The following DOCK4 variants were observed in gnomAD, a reference collection of about 807,000 sequenced individuals.
DOCK4 encodes the protein dedicator of cytokinesis 4.
DOCK4 carries 97 observed loss-of-function variants against 268.1 expected under a neutral mutation model. That is an observed-to-expected ratio of 0.36 (90% CI 0.31 to 0.43). DOCK4 has a LOEUF of 0.43. DOCK4 is among the 20% of genes least tolerant of loss of function. The pLI is 1.00. For synonymous variants in DOCK4, 954 were observed against 887.2 expected, an observed-to-expected ratio of 1.08 and a Z score of -1.34; for missense variants, 2,145 against 2,455.7, an observed-to-expected ratio of 0.87 and a Z score of 2.67.
chr7:112,044,559 C>G (rs1257938991), intron 1 of DOCK4, among the ~76,000 whole-genome samples: 2 of 152,110 alleles, frequency 1.3e-5, no homozygotes, highest in Non-Finnish European at 2.9e-5. Context: ...CAAGTGTCTA[C>G]TTGACATCTC....
intron 12 of DOCK4, among the ~76,000 whole-genome samples, chr7:111,921,707 T>A (rs978525527): frequency 2.6e-4 from 40 of 152,158 alleles, no homozygotes; most frequent in Non-Finnish European, 1.2e-4. Flanking sequence ...ACCAATTCCA[T>A]AAAATACTTT....
At chr7:111,822,483 T>A (rs1186569759) in intron 26 of DOCK4, 27 bp from the exon 27 acceptor site, 3 of 1,559,408 alleles carry the variant, frequency 1.9e-6, no homozygotes, top group Non-Finnish European at 2.6e-6. Flanking sequence ...ATAGATCATT[T>A]TATTGGTTTA....
intron 8 of DOCK4, among the ~76,000 whole-genome samples, chr7:111,974,832 C>T (rs1798045577): frequency 6.6e-6 from 1 of 152,016 alleles, no homozygotes; most frequent in South Asian, 2.1e-4. Context: ...AAGATCAATA[C>T]CTATTTAGAA....
At chr7:111,982,877 A>G (rs988796652) in intron 7 of DOCK4, among the ~76,000 whole-genome samples, 3 of 152,232 alleles carry the variant, frequency 2.0e-5, no homozygotes, top group Non-Finnish European at 4.4e-5. Flanking sequence ...AATGAACAAA[A>G]GTAAAGATGC....
chr7:111,912,596 G>T (rs551845837), intron 13 of DOCK4, among the ~76,000 whole-genome samples: 1 of 152,150 alleles, frequency 6.6e-6, no homozygotes, highest in African/African-American at 2.4e-5. Flanking sequence ...AAGCAGAAGA[G>T]GGGGAGGAAG....
At chr7:111,992,573 TTA>T (rs1371544340) in intron 5 of DOCK4, among the ~76,000 whole-genome samples, 2 of 152,224 alleles carry the variant, frequency 1.3e-5, no homozygotes, top group African/African-American at 2.4e-5. Flanking sequence ...AGGAGTTTAC[TTA>T]TAGAGTTTAC....
intron 1 of DOCK4, among the ~76,000 whole-genome samples, chr7:112,192,088 G>T (rs948304373): frequency 2.7e-5 from 4 of 149,748 alleles, no homozygotes; most frequent in African/African-American, 9.8e-5. Context: ...TATATAGTGT[G>T]CATTTATATA....
In DOCK4 at chr7:111,746,358, T is replaced by C. The variant is rs773963618; in HGVS notation, c.4653A>G (p.Arg1551=). 1 of 1,613,074 alleles carries C rather than the reference T, an allele frequency of 6.2e-7. No individual in the cohort carries two copies. Among genetic ancestry groups the C allele is most frequent in the South Asian group, 1.1e-5 (1 of 90,716 alleles). Residue 1551 remains arginine (R), a synonymous_variant, in exon 44 of 53, where the codon CGA becomes CGG. Transcript: ENST00000428084. ...CCTGCTCAAGCATCAGCTCTCTTAATCGTGCAATTTTCTCCCCATCTTCAG... is the reference window on the plus strand; with the variant it reads ...CCTGCTCAAGCATCAGCTCTCTTAACCGTGCAATTTTCTCCCCATCTTCAG... ...SHPEDGEKIA[R]LRELMLEQAQ... is the part of the protein sequence containing the mutation.
Position 112,004,145 on chromosome 7 carries a change from TAAAG to T in DOCK4, c.38-18_38-15del. On this transcript the variant is annotated splice_polypyrimidine_tract_variant and intron_variant, in intron 1 of 52. Transcript: ENST00000428084. ...AACTGGCAATAACTGTAAAAAATGATAAAGAATATATGAAGACAATCATGTCCAT... is the reference window on the plus strand; with the variant it reads ...AACTGGCAATAACTGTAAAAAATGATAATATATGAAGACAATCATGTCCAT... The T allele has an allele frequency of 6.4e-7, 1 of 1,556,256 alleles. No homozygotes were observed. Among genetic ancestry groups the T allele is most frequent in the Non-Finnish European group, 8.7e-7 (1 of 1,145,580 alleles).
chr7:112,147,510 T>C (rs1208739182), intron 1 of DOCK4, among the ~76,000 whole-genome samples: 1 of 152,180 alleles, frequency 6.6e-6, no homozygotes, highest in Non-Finnish European at 1.5e-5. Context: ...ATATTTTGCC[T>C]AAAAATATTT....
intron 36 of DOCK4, among the ~76,000 whole-genome samples, chr7:111,770,877 T>C (rs940183042): frequency 5.9e-5 from 9 of 152,230 alleles, no homozygotes; most frequent in African/African-American, 9.6e-5. Context: ...TGCTATGATG[T>C]GGCCATCTCC....
chr7:111,913,630 C>T lies in DOCK4; in HGVS notation c.1192+2149G>A, dbSNP rs537495086. On this transcript the variant is annotated intron_variant, in intron 13 of 52. Transcript: ENST00000428084. ...TTCACCATGTTAGCCAGGATGGTCT[C>T]GATCTTCTGACCTCGTGATCCGCCC... 6.2e-4 allele frequency among the ~76,000 whole-genome samples: 94 copies of T among 151,520 alleles called. 1 individual carries two copies. Among genetic ancestry groups the T allele is most frequent in the African/African-American group, 2.1e-3 (86 of 41,310 alleles).
intron 44 of DOCK4, 96 bp from the exon 45 acceptor site, chr7:111,742,228 C>T: frequency 5.5e-6 from 7 of 1,265,022 alleles, no homozygotes; most frequent in Non-Finnish European, 6.2e-6. Flanking sequence ...ATTTCGCTTG[C>T]ATTATTGCTA....
chr7:111,988,510 A>G (rs1242036877), intron 6 of DOCK4, among the ~76,000 whole-genome samples: 1 of 152,184 alleles, frequency 6.6e-6, no homozygotes, highest in Admixed American at 6.5e-5. Flanking sequence ...AGCTCCTCAA[A>G]GTAGCTAATG....
intron 41 of DOCK4, among the ~76,000 whole-genome samples, chr7:111,756,137 A>C (rs1392436056): frequency 6.6e-6 from 1 of 152,178 alleles, no homozygotes; most frequent in African/African-American, 2.4e-5. Context: ...TCATGAGGTC[A>C]GGAGATCAAG....
intron 1 of DOCK4, among the ~76,000 whole-genome samples, chr7:112,130,037 C>A (rs1010433186): frequency 6.6e-6 from 1 of 152,176 alleles, no homozygotes; most frequent in Non-Finnish European, 1.5e-5. Flanking sequence ...CATCTAGACA[C>A]GGAGCCACTT....
chr7:112,203,949 T>A (rs528031886), intron 1 of DOCK4, among the ~76,000 whole-genome samples: 1 of 152,076 alleles, frequency 6.6e-6, no homozygotes, highest in Non-Finnish European at 1.5e-5. Flanking sequence ...TAATTAACAT[T>A]CTGGCACATG....
rs145413665 is a variant in DOCK4 at position 112,146,607 on chromosome 7, C to T, written c.37+59495G>A. On this transcript the variant is annotated intron_variant, in intron 1 of 52. Coordinates refer to ENST00000428084, the MANE Select transcript of DOCK4 (RefSeq NM_001363540.2). The stretch of plus-strand genomic sequence containing the variant: ...ATTAGCTGGGTGTGGTGGCGTGCAC[C>T]TATAGTCCCAGCTACTCAGGAGGCT... Among the ~76,000 whole-genome samples the T allele has an allele frequency of 2.9e-3, 437 of 152,196 alleles. 2 individuals are homozygous for T. The highest frequency in any genetic ancestry group is 9.9e-3 in the African/African-American group (409 of 41,522).
chr7:111,961,216 CTT>C (rs1231779680), intron 8 of DOCK4, among the ~76,000 whole-genome samples: 1 of 152,204 alleles, frequency 6.6e-6, no homozygotes, highest in Non-Finnish European at 1.5e-5. Flanking sequence ...CCCAAAGTCT[CTT>C]GATTCCATCT....
Sources: allele counts gnomAD v4.1 joint callset (sites outside exome capture counted in the v4.1 genomes callset), GRCh38; gene constraint gnomAD v4.1.1; transcripts MANE v1.5; gene names NCBI Gene and HGNC (gene_info 2026-07-23, HGNC 2026-07-21).